Variants in HIBADH observed in about 807,000 individuals in gnomAD.
HIBADH encodes 3-hydroxyisobutyrate dehydrogenase, mitochondrial.
Under a neutral mutation model 36.1 loss-of-function variants are expected in HIBADH, and 25 were observed. That is an observed-to-expected ratio of 0.69 (90% CI 0.50 to 0.97). HIBADH has a LOEUF of 0.97. Among genes scored for constraint, HIBADH ranks in the 50% least tolerant of loss-of-function variants. The pLI is 0.00. For synonymous variants in HIBADH, 160 were observed against 149.5 expected, an observed-to-expected ratio of 1.07 and a Z score of -0.51; for missense variants, 421 against 418.0, an observed-to-expected ratio of 1.01 and a Z score of -0.06.
At chr7:27,579,752 A>C (rs575518951) in intron 4 of HIBADH, among the ~76,000 whole-genome samples, 1 of 152,342 alleles carries the variant, frequency 6.6e-6, no homozygotes, top group South Asian at 2.1e-4. Flanking sequence ...TGGGGTATCC[A>C]CCACAACATT....
At chr7:27,571,406 G>A (rs1291771205) in intron 4 of HIBADH, among the ~76,000 whole-genome samples, 1 of 151,968 alleles carries the variant, frequency 6.6e-6, no homozygotes, top group African/African-American at 2.4e-5. Context: ...TGTATTTTTA[G>A]TAGAGACAGG....
intron 4 of HIBADH, among the ~76,000 whole-genome samples, chr7:27,565,567 C>T (rs1234652803): frequency 6.6e-6 from 1 of 152,172 alleles, no homozygotes; most frequent in East Asian, 1.9e-4. Flanking sequence ...TAAGCATTTA[C>T]TTGTAGACTC....
intron 4 of HIBADH, among the ~76,000 whole-genome samples, chr7:27,581,169 A>G (rs1324374162): frequency 6.6e-6 from 1 of 152,196 alleles, no homozygotes. Flanking sequence ...ACTTGGGATT[A>G]GTGATCATTA....
intron 4 of HIBADH, among the ~76,000 whole-genome samples, chr7:27,562,466 T>G (rs1323654709): frequency 1.3e-5 from 2 of 152,226 alleles, no homozygotes; most frequent in African/African-American, 2.4e-5. Flanking sequence ...TAAATTCAAA[T>G]TCTGTGTTTA....
chr7:27,660,499 T>C (rs955710825), intron 1 of HIBADH, among the ~76,000 whole-genome samples: 3 of 152,110 alleles, frequency 2.0e-5, no homozygotes, highest in African/African-American at 7.2e-5. Context: ...CCGTTTCTAC[T>C]AAAAAATACC....
chr7:27,635,957 T>C (rs955493921), intron 2 of HIBADH, among the ~76,000 whole-genome samples: 4 of 152,268 alleles, frequency 2.6e-5, no homozygotes, highest in African/African-American at 9.6e-5. Context: ...GAATTAGACT[T>C]TGATTTATCT....
At chr7:27,588,326 T>C (rs1468009935) in intron 4 of HIBADH, among the ~76,000 whole-genome samples, 2 of 152,098 alleles carry the variant, frequency 1.3e-5, no homozygotes, top group Non-Finnish European at 2.9e-5. Context: ...CAGTTTTTAT[T>C]TTTTATTTTC....
rs367543504 is a variant in HIBADH, at chr7:27,578,133, T to C, written c.485-35033A>G. ...GCTAATTTTGCTAAGTGAGAGTTAA[T>C]AGGGTTCTGAAAATGTGGAGCTGAA... On this transcript the variant is annotated intron_variant, in intron 4 of 7. Transcript: ENST00000265395. 2.3e-4 allele frequency among the ~76,000 whole-genome samples: 35 copies of C among 152,344 alleles called. No homozygotes were observed. The South Asian group carries it at 4.1e-3, about 18-fold the overall frequency.
At chr7:27,573,671 C>T (rs1278786382) in intron 4 of HIBADH, among the ~76,000 whole-genome samples, 8 of 152,104 alleles carry the variant, frequency 5.3e-5, no homozygotes, top group Non-Finnish European at 7.4e-5. Context: ...AAAAATGTAG[C>T]GGCAGACTCT....
At chr7:27,613,666 T>G (rs1045982947) in intron 4 of HIBADH, among the ~76,000 whole-genome samples, 2 of 107,072 alleles carry the variant, frequency 1.9e-5, no homozygotes, top group Admixed American at 8.5e-5. Context: ...GTTTTTTTTG[T>G]TTTTTTTTTT....
chr7:27,635,054 C>A (rs1413380068), intron 2 of HIBADH, among the ~76,000 whole-genome samples: 1 of 149,768 alleles, frequency 6.7e-6, no homozygotes, highest in Non-Finnish European at 1.5e-5. Context: ...CCTAATAACA[C>A]ACACTCTCTC....
At chr7:27,546,029 T>G (rs953852178) in intron 4 of HIBADH, among the ~76,000 whole-genome samples, 1 of 152,226 alleles carries the variant, frequency 6.6e-6, no homozygotes, top group Non-Finnish European at 1.5e-5. Context: ...TCTCAGTGTA[T>G]AAAACAGGAA....
chr7:27,555,563 T>TC (rs1784378803), intron 4 of HIBADH, among the ~76,000 whole-genome samples: 1 of 152,180 alleles, frequency 6.6e-6, no homozygotes, highest in Non-Finnish European at 1.5e-5. Flanking sequence ...ACACCTTTTG[T>TC]CCCCCTACCC....
chr7:27,543,072 G>A lies in HIBADH; in HGVS notation c.513C>T (p.Leu171=). The A allele has an allele frequency of 1.9e-6, 3 of 1,613,720 alleles. No homozygotes were observed. The highest frequency in any genetic ancestry group is 2.5e-6 in the Non-Finnish European group (3 of 1,179,832). The change falls in exon 5 of 8, where the codon CTC becomes CTT. Residue 171 remains leucine, a synonymous_variant. Coordinates refer to ENST00000265395, the MANE Select transcript of HIBADH (RefSeq NM_152740.4). ...CTTCAACTCCTCCCACCATAAACGT[G>A]AGGTTCCCAGATCGTGCAGCTCCTA... ...GGVGAARSGN[L]TFMVGGVEDE...
intron 4 of HIBADH, among the ~76,000 whole-genome samples, chr7:27,585,296 TG>T (rs796890693): frequency 7.4e-4 from 113 of 152,222 alleles, no homozygotes; most frequent in African/African-American, 2.6e-3. Context: ...CACACGTGTG[TG>T]TATGTATAAA....
chr7:27,644,879 C>G (rs1365120209), intron 2 of HIBADH, among the ~76,000 whole-genome samples: 1 of 152,144 alleles, frequency 6.6e-6, no homozygotes, highest in African/African-American at 2.4e-5. Flanking sequence ...TCTATATAGA[C>G]TTCCTTATTC....
intron 4 of HIBADH, among the ~76,000 whole-genome samples, chr7:27,580,115 T>C (rs1278387788): frequency 6.6e-6 from 1 of 152,206 alleles, no homozygotes; most frequent in East Asian, 1.9e-4. Flanking sequence ...AACACAGGTG[T>C]CAAGGAAACA....
intron 4 of HIBADH, among the ~76,000 whole-genome samples, chr7:27,623,778 T>C (rs1411241829): frequency 6.6e-6 from 1 of 152,150 alleles, no homozygotes; most frequent in Non-Finnish European, 1.5e-5. Context: ...CATGACATGC[T>C]CATAGATCAC....
intron 4 of HIBADH, among the ~76,000 whole-genome samples, chr7:27,580,813 C>T (rs1180253255): frequency 1.3e-5 from 2 of 152,100 alleles, no homozygotes; most frequent in Non-Finnish European, 2.9e-5. Flanking sequence ...GGAACAACTC[C>T]TAGAAATTGA....
Sources: allele counts gnomAD v4.1 joint callset (sites outside exome capture counted in the v4.1 genomes callset), GRCh38; gene constraint gnomAD v4.1.1; transcripts MANE v1.5; gene names NCBI Gene and HGNC (gene_info 2026-07-23, HGNC 2026-07-21).